Variants in CDC14B observed in about 807,000 individuals in gnomAD.
The protein encoded by CDC14B is cell division cycle 14B.
A neutral mutation model predicts 64.2 loss-of-function variants in CDC14B; 22 were observed. That is an observed-to-expected ratio of 0.34 (90% confidence interval 0.24 to 0.49). The LOEUF is 0.49. Ranked by LOEUF, CDC14B falls within the 20% of genes least tolerant of loss-of-function variation. CDC14B has a pLI of 0.99. For synonymous variants in CDC14B, 191 were observed against 215.8 expected (o/e 0.89, Z 1.01); for missense variants, 498 against 629.9 (o/e 0.79, Z 2.24).
chr9:96,529,490 C>CTTTTT (rs56239842), intron 9 of CDC14B, among the ~76,000 whole-genome samples: 2 of 131,110 alleles, frequency 1.5e-5, no homozygotes, highest in African/African-American at 2.9e-5. Flanking sequence ...TGTACTAAGC[C>CTTTTT]TTTTTTTTTT....
rs576075189 is a variant in CDC14B, at chr9:96,543,990, A to G, written c.498-2098T>C. On this transcript the variant is annotated intron_variant, in intron 5 of 13. Transcript: ENST00000375241. Reference sequence around the variant, plus strand: ...TCCCAGCACTTTGGGAGGCCGAGGCAGGTGGATCACGAGGTCAAGAGATTG... The same window carrying G: ...TCCCAGCACTTTGGGAGGCCGAGGCGGGTGGATCACGAGGTCAAGAGATTG... Among the ~76,000 whole-genome samples the G allele has an allele frequency of 1.8e-4, 28 of 152,232 alleles. No homozygotes were observed. The East Asian group carries it at 4.7e-3, about 25-fold the overall frequency.
intron 7 of CDC14B, among the ~76,000 whole-genome samples, chr9:96,538,428 C>T (rs1839586800): frequency 6.6e-6 from 1 of 152,112 alleles, no homozygotes; most frequent in Admixed American, 6.5e-5. Flanking sequence ...ATTAAGAAAG[C>T]TAAAAACAGG....
rs1835417076 is a variant in CDC14B, at chr9:96,514,862, G to A, written c.1344-5073C>T. On this transcript the variant is annotated intron_variant, in intron 12 of 13. Coordinates refer to ENST00000375241, the MANE Select transcript of CDC14B (RefSeq NM_033331.4). ...TCTTCTGCAGAAATAAAGCCTCTTC[G>A]CTGTTAAGGTCTTCATTTCAAAGAT... 6 of 985,210 alleles carry A rather than the reference G, an allele frequency of 6.1e-6. No individual in the cohort carries two copies. In the South Asian group the frequency reaches 1.4e-4, roughly 23 times the overall value. The allele number at this position is 985,210 out of a possible 1,614,324, so 61.0% of individuals were successfully genotyped here. A position where few individuals can be genotyped will look rare whatever the true frequency, so the allele number is the denominator to read the frequency against.
downstream of CDC14B, among the ~76,000 whole-genome samples, chr9:96,495,857 G>C (rs1340319700): frequency 1.3e-5 from 2 of 152,184 alleles, no homozygotes; most frequent in Non-Finnish European, 2.9e-5. Flanking sequence ...TGCCATCACT[G>C]CATATCTCCG....
intron 1 of CDC14B, among the ~76,000 whole-genome samples, chr9:96,566,083 A>T (rs1410713780): frequency 2.0e-5 from 3 of 152,132 alleles, no homozygotes. Flanking sequence ...AGGTTTCTGC[A>T]TGATGGGTCT....
rs112082285 is a variant in CDC14B, at chr9:96,542,610, T to C, written c.498-718A>G. Among the ~76,000 whole-genome samples, 302 of 151,900 alleles carry C rather than the reference T, an allele frequency of 2.0e-3. 1 individual carries two copies. The highest frequency in any genetic ancestry group is 1.8e-3 in the Non-Finnish European group (119 of 67,966). ...TTTAAGTGATCCTCCCACCTCAGTG[T>C]CCCCAGTAGCAAGGACCACAGGCAT... is the stretch of plus-strand genomic sequence containing the variant. On this transcript the variant is annotated intron_variant, in intron 5 of 13. Coordinates refer to ENST00000375241, the MANE Select transcript of CDC14B (RefSeq NM_033331.4).
intron 5 of CDC14B, among the ~76,000 whole-genome samples, chr9:96,546,223 T>TA (rs901797871): frequency 1.3e-5 from 2 of 152,010 alleles, no homozygotes; most frequent in African/African-American, 4.8e-5. Flanking sequence ...ACAAAAGGAA[T>TA]AAAAAAGGAT....
chr9:96,572,735 A>C (rs1055633601), intron 1 of CDC14B, among the ~76,000 whole-genome samples: 2 of 152,228 alleles, frequency 1.3e-5, no homozygotes, highest in Admixed American at 6.5e-5. Context: ...ATTAAAATCA[A>C]CACTCATTTC....
intron 9 of CDC14B, among the ~76,000 whole-genome samples, chr9:96,530,512 TCAGG>T (rs1838300355): frequency 6.6e-6 from 1 of 150,892 alleles, no homozygotes; most frequent in Non-Finnish European, 1.5e-5. Context: ...ACTTCTGAGC[TCAGG>T]CAATCTACCC....
rs2131556736 is a variant in CDC14B at position 96,523,675 on chromosome 9, A to G, written c.997T>C (p.Tyr333His). The G allele has an allele frequency of 6.2e-7, 1 of 1,614,146 alleles. No individual in the cohort carries two copies. Among genetic ancestry groups the G allele is most frequent in the South Asian group, 1.1e-5 (1 of 91,084 alleles). Residue 333 changes from tyrosine to histidine, a missense_variant, in exon 10 of 14, where the codon TAC (tyrosine) becomes CAC (histidine). Coordinates refer to ENST00000375241, the MANE Select transcript of CDC14B (RefSeq NM_033331.4). ...TLIACYIMKH[Y>H]RMTAAETIAW... is the part of the protein sequence containing the mutation. ...ATGGTCTCGGCTGCTGTCATCCTGT[A>G]ATGCTTCATGATGTAGCAGGCTATC...
intron 1 of CDC14B, among the ~76,000 whole-genome samples, chr9:96,577,502 T>C (rs55917527): frequency 2.0e-5 from 3 of 152,278 alleles, no homozygotes; most frequent in Non-Finnish European, 4.4e-5. Flanking sequence ...ATTAATTATT[T>C]CTGGATTAAA....
intron 9 of CDC14B, among the ~76,000 whole-genome samples, chr9:96,524,190 T>G (rs1837218219): frequency 6.6e-6 from 1 of 152,230 alleles, no homozygotes; most frequent in Non-Finnish European, 1.5e-5. Flanking sequence ...TCCGCCTGCC[T>G]TGGCCTCCTA....
chr9:96,524,547 T>C (rs1837276921), intron 9 of CDC14B, among the ~76,000 whole-genome samples: 1 of 152,232 alleles, frequency 6.6e-6, no homozygotes, highest in South Asian at 2.1e-4. Context: ...TAGACTATTA[T>C]CATTACCTCC....
At chr9:96,506,338 T>C (rs1834127285) in intron 13 of CDC14B, among the ~76,000 whole-genome samples, 1 of 152,218 alleles carries the variant, frequency 6.6e-6, no homozygotes, top group Non-Finnish European at 1.5e-5. Flanking sequence ...CTATTTAGTA[T>C]GATATTATGA....
At position 96,604,688 on chromosome 9, in the gene CDC14B, G is replaced by T. The variant is rs1348620859; in HGVS notation, c.160+14531C>A. 3.3e-5 allele frequency among the ~76,000 whole-genome samples: 5 copies of T among 150,846 alleles called. No homozygotes were observed. In the South Asian group the frequency reaches 8.4e-4, roughly 25 times the overall value. On this transcript the variant is annotated intron_variant, in intron 1 of 13. Coordinates refer to ENST00000375241, the MANE Select transcript of CDC14B (RefSeq NM_033331.4). The stretch of plus-strand genomic sequence containing the variant: ...TTTTGCGGGGGGCGGGGCAGGAGGG[G>T]GACAGAGTCTTGCTCTGTCCCCCAG...
chr9:96,560,759 C>CT (rs369325680), intron 4 of CDC14B, among the ~76,000 whole-genome samples: 5,886 of 132,370 alleles, frequency 0.044, 211 homozygotes, highest in African/African-American at 0.11. Flanking sequence ...ACTACTCAAA[C>CT]TTTTTTTTTT....
At chr9:96,551,629 T>G (rs1407594199) in intron 5 of CDC14B, among the ~76,000 whole-genome samples, 167 bp downstream of exon 5, 1 of 152,178 alleles carries the variant, frequency 6.6e-6, no homozygotes, top group African/African-American at 2.4e-5. Context: ...ATAGCCTCCA[T>G]GACAAAACGT....
At chr9:96,551,154 C>A (rs1312808297) in intron 5 of CDC14B, among the ~76,000 whole-genome samples, 4 of 123,060 alleles carry the variant, frequency 3.3e-5, no homozygotes, top group African/African-American at 1.4e-4. Flanking sequence ...TCTCTATTGC[C>A]CAGGCTTGAG....
chr9:96,534,305 T>A, intron 8 of CDC14B, 148 bp from the exon 9 acceptor site: 1 of 779,166 alleles, frequency 1.3e-6, no homozygotes, highest in Non-Finnish European at 2.1e-6. Flanking sequence ...AAAAGAAAGT[T>A]AAAATCCAGT....
Sources: gnomAD v4.1 joint callset for allele counts (sites outside exome capture counted in the v4.1 genomes callset) on GRCh38, gnomAD v4.1.1 for gene constraint, MANE v1.5 for transcripts, NCBI Gene and HGNC (gene_info 2026-07-23, HGNC 2026-07-21) for gene names.